The following CACNA2D1 variants were observed in gnomAD, a reference collection of about 807,000 sequenced individuals.
The protein encoded by CACNA2D1 is voltage-dependent calcium channel subunit alpha-2/delta-1.
In CACNA2D1, 53 loss-of-function variants were observed where a neutral mutation model predicts 171.5. The ratio of observed to expected loss-of-function variants is 0.31; its 90% CI spans 0.25 to 0.39. The LOEUF (loss-of-function observed/expected upper bound fraction) is 0.39, where lower values mean the gene tolerates loss of function less well. Ranked by LOEUF, CACNA2D1 falls within the 10% of genes least tolerant of loss-of-function variation. The probability of loss-of-function intolerance (pLI) is 1.00; values close to 1 mark genes in which losing one functional copy is unlikely to be tolerated. For missense variants in CACNA2D1, 903 were observed against 1,299.8 expected, an observed-to-expected ratio of 0.69 and a Z score of 4.69; for synonymous variants, 442 against 443.1, an observed-to-expected ratio of 1.00 and a Z score of 0.03.
At chr7:81,970,032 A>G in intron 27 of CACNA2D1, 48 bp from the exon 28 acceptor site, 1 of 1,097,854 alleles carries the variant, frequency 9.1e-7, no homozygotes, top group Non-Finnish European at 1.4e-6. Flanking sequence ...CTACCTGATA[A>G]CCTACTTTAT....
chr7:82,171,827 TA>T (rs1796050474), intron 3 of CACNA2D1, among the ~76,000 whole-genome samples: 1 of 152,216 alleles, frequency 6.6e-6, no homozygotes, highest in South Asian at 2.1e-4. Context: ...AGGTTAGGTT[TA>T]AAAAATTACA....
intron 1 of CACNA2D1, among the ~76,000 whole-genome samples, chr7:82,436,370 G>C (rs1431689185): frequency 6.6e-6 from 1 of 151,990 alleles, no homozygotes; most frequent in Non-Finnish European, 1.5e-5. Context: ...CTTTCTTGTT[G>C]ATTAGCACTT....
At chr7:82,430,417 CA>C (rs3054724) in intron 1 of CACNA2D1, among the ~76,000 whole-genome samples, 4,029 of 129,446 alleles carry the variant, frequency 0.031, 88 homozygotes, top group Middle Eastern at 0.08. Flanking sequence ...GACTCCATCT[CA>C]AAAAAAAAAA....
chr7:82,092,588 T>A (rs1212764425), intron 6 of CACNA2D1, among the ~76,000 whole-genome samples: 1 of 148,722 alleles, frequency 6.7e-6, no homozygotes, highest in Non-Finnish European at 1.5e-5. Context: ...GAGACAGGGT[T>A]TTCACCATGT....
At chr7:82,041,054 G>A (rs995945234) in intron 10 of CACNA2D1, among the ~76,000 whole-genome samples, 21 of 151,978 alleles carry the variant, frequency 1.4e-4, no homozygotes, top group Admixed American at 4.6e-4. Flanking sequence ...CTTGGGTTGG[G>A]GGGGTGGGGA....
chr7:82,342,336 C>T (rs1454055668), intron 2 of CACNA2D1, among the ~76,000 whole-genome samples: 1 of 152,138 alleles, frequency 6.6e-6, no homozygotes, highest in East Asian at 1.9e-4. Context: ...CTGTTTTGTT[C>T]ACTGGTACGT....
chr7:82,365,583 A>G (rs1350414437), intron 1 of CACNA2D1, among the ~76,000 whole-genome samples: 1 of 152,230 alleles, frequency 6.6e-6, no homozygotes, highest in Non-Finnish European at 1.5e-5. Context: ...CCAATGACAG[A>G]TCAATGAATA....
At chr7:82,087,360 C>T (rs370951860) in intron 6 of CACNA2D1, among the ~76,000 whole-genome samples, 1 of 152,024 alleles carries the variant, frequency 6.6e-6, no homozygotes, top group East Asian at 1.9e-4. Flanking sequence ...ACTGGATCTA[C>T]CTAACAACAT....
In CACNA2D1 at chr7:82,309,362, T is replaced by A. The variant is rs559312657; in HGVS notation, c.294+25773A>T. Among the ~76,000 whole-genome samples the A allele has an allele frequency of 3.7e-4, 56 of 151,926 alleles. No individual in the cohort carries two copies. The South Asian group carries it at 4.4e-3, about 12-fold the overall frequency. ...TGGGGGTTGCAGTGAGCCAAGATCA[T>A]GCCATTGCACTCCAGCCTAGGTGAC... On this transcript the variant is annotated intron_variant, in intron 3 of 38. Transcript: ENST00000356860.
intron 6 of CACNA2D1, among the ~76,000 whole-genome samples, chr7:82,106,398 C>T (rs183385230): frequency 2.6e-4 from 40 of 152,062 alleles, no homozygotes; most frequent in African/African-American, 8.7e-4. Flanking sequence ...CTTTGAATGG[C>T]CTGTCATTTG....
intron 12 of CACNA2D1, chr7:82,028,761 A>C (rs988400847): frequency 1.3e-5 from 2 of 151,846 alleles, no homozygotes; most frequent in African/African-American, 2.4e-5. Flanking sequence ...ACAGCAAGAG[A>C]ACTAGAAGTG....
At chr7:82,233,511 GA>G (rs1262368369) in intron 3 of CACNA2D1, among the ~76,000 whole-genome samples, 1 of 151,686 alleles carries the variant, frequency 6.6e-6, no homozygotes, top group African/African-American at 2.4e-5. Flanking sequence ...GACCTTTATT[GA>G]AGTATTCATT....
chr7:82,162,886 T>C (rs2129135765), intron 4 of CACNA2D1, among the ~76,000 whole-genome samples: 1 of 152,138 alleles, frequency 6.6e-6, no homozygotes, highest in East Asian at 1.9e-4. Context: ...CATGCCTATA[T>C]TAATCATCTG....
intron 1 of CACNA2D1, among the ~76,000 whole-genome samples, chr7:82,440,227 G>C (rs1830389484): frequency 1.3e-5 from 2 of 151,854 alleles, no homozygotes; most frequent in African/African-American, 4.8e-5. Context: ...CTGGCATTTT[G>C]ATGTGACTGA....
intron 1 of CACNA2D1, among the ~76,000 whole-genome samples, chr7:82,418,956 A>T (rs1828445821): frequency 6.6e-6 from 1 of 152,030 alleles, no homozygotes; most frequent in Non-Finnish European, 1.5e-5. Context: ...AATACAAAAA[A>T]AAAATTAGCT....
At chr7:82,244,075 A>G (rs1804634441) in intron 3 of CACNA2D1, among the ~76,000 whole-genome samples, 1 of 152,188 alleles carries the variant, frequency 6.6e-6, no homozygotes, top group Admixed American at 6.5e-5. Context: ...GTTTTCATTC[A>G]TTAGTTAATG....
In CACNA2D1 at chr7:82,071,076, G is replaced by C. The variant is rs544642400; in HGVS notation, c.659-4552C>G. Among the ~76,000 whole-genome samples the C allele has an allele frequency of 2.6e-3, 401 of 152,248 alleles. 4 individuals are homozygous for C. The highest frequency in any genetic ancestry group is 0.02 in the South Asian group (98 of 4,828). On this transcript the variant is annotated intron_variant, in intron 7 of 38. Transcript: ENST00000356860. The stretch of plus-strand genomic sequence containing the variant: ...TAGAAGTCATCTGGGCATTGTTGTT[G>C]ATGTTGTGTTACTAACGAAACCACA...
Position 81,967,151 on chromosome 7 carries a change from T to A in CACNA2D1, c.2502+18A>T. ...AGGAAATATTGTACTCAAAAGTGATTTTAAATAGTTTTCTTACGTCACTGT... is the reference window on the plus strand; with the variant it reads ...AGGAAATATTGTACTCAAAAGTGATATTAAATAGTTTTCTTACGTCACTGT... On this transcript the variant is annotated intron_variant, in intron 31 of 38. Coordinates refer to ENST00000356860, the MANE Select transcript of CACNA2D1 (RefSeq NM_000722.4). 6.3e-7 allele frequency: 1 copy of A among 1,590,622 alleles called. No homozygotes were observed. Among genetic ancestry groups the A allele is most frequent in the Non-Finnish European group, 8.6e-7 (1 of 1,160,372 alleles).
At chr7:81,974,207 A>G (rs1052388903) in intron 25 of CACNA2D1, among the ~76,000 whole-genome samples, 25 of 152,212 alleles carry the variant, frequency 1.6e-4, no homozygotes, top group African/African-American at 6.0e-4. Flanking sequence ...TGAGCGTGCC[A>G]TATTTACGTT....
Sources: allele counts gnomAD v4.1 joint callset (sites outside exome capture counted in the v4.1 genomes callset), GRCh38; gene constraint gnomAD v4.1.1; transcripts MANE v1.5; gene names NCBI Gene and HGNC (gene_info 2026-07-23, HGNC 2026-07-21).